Variants in CPQ observed in about 807,000 individuals in gnomAD.
The protein encoded by CPQ is carboxypeptidase Q.
In CPQ, 37 loss-of-function variants were observed where a neutral mutation model predicts 45.7. That is an observed-to-expected ratio of 0.81 (90% CI 0.62 to 1.07). The LOEUF (loss-of-function observed/expected upper bound fraction) is 1.07. CPQ is among the 50% of genes least tolerant of loss of function. The pLI, the probability that CPQ is intolerant of heterozygous loss-of-function variation, is 0.00. For missense variants in CPQ, 537 were observed against 572.9 expected, an observed-to-expected ratio of 0.94 and a Z score of 0.64; for synonymous variants, 186 against 205.8, an observed-to-expected ratio of 0.90 and a Z score of 0.82.
chr8:97,137,160 C>G (rs1048278894), intron 7 of CPQ, among the ~76,000 whole-genome samples: 1 of 152,166 alleles, frequency 6.6e-6, no homozygotes, highest in African/African-American at 2.4e-5. Context: ...ATGCCTTCTT[C>G]AAGTCACTAG....
chr8:97,094,165 A>G (rs987468866), intron 7 of CPQ, among the ~76,000 whole-genome samples: 1 of 152,154 alleles, frequency 6.6e-6, no homozygotes, highest in African/African-American at 2.4e-5. Context: ...TTGATTCTCC[A>G]ACGACTAAGA....
At chr8:96,939,850 G>A (rs1209616821) in intron 4 of CPQ, among the ~76,000 whole-genome samples, 1 of 152,140 alleles carries the variant, frequency 6.6e-6, no homozygotes, top group East Asian at 1.9e-4. Context: ...GAATTTCTGG[G>A]TCACGAGGTT....
intron 1 of CPQ, among the ~76,000 whole-genome samples, chr8:96,688,582 C>T (rs991364152): frequency 2.0e-5 from 3 of 151,974 alleles, no homozygotes; most frequent in African/African-American, 7.3e-5. Flanking sequence ...ATAATTATAT[C>T]TTTATGTGAC....
At chr8:97,077,438 A>G (rs1232724941) in intron 7 of CPQ, among the ~76,000 whole-genome samples, 2 of 152,238 alleles carry the variant, frequency 1.3e-5, no homozygotes, top group African/African-American at 4.8e-5. Context: ...CTATGAAATT[A>G]CTACAGTAGT....
intron 5 of CPQ, among the ~76,000 whole-genome samples, chr8:97,027,011 G>GT (rs1809809522): frequency 6.6e-6 from 1 of 152,044 alleles, no homozygotes; most frequent in Non-Finnish European, 1.5e-5. Context: ...GCGGAGATAT[G>GT]TAAAAAAAAG....
chr8:97,090,640 C>T (rs952252574), intron 7 of CPQ, among the ~76,000 whole-genome samples: 2 of 151,986 alleles, frequency 1.3e-5, no homozygotes, highest in African/African-American at 4.8e-5. Flanking sequence ...TTTGACTCAC[C>T]GAAAATAATA....
At chr8:97,038,154 G>A (rs1810034901) in intron 6 of CPQ, among the ~76,000 whole-genome samples, 1 of 152,186 alleles carries the variant, frequency 6.6e-6, no homozygotes, top group African/African-American at 2.4e-5. Context: ...TTAAAGAAAA[G>A]AGAAATATCC....
chr8:96,819,130 T>C, intron 2 of CPQ, among the ~76,000 whole-genome samples: 1 of 152,082 alleles, frequency 6.6e-6, no homozygotes, highest in East Asian at 1.9e-4. Context: ...TCCTCCTGCC[T>C]AGAAAAATTA....
At chr8:97,142,904 T>C (rs1812191443) in intron 7 of CPQ, 116 bp from the exon 8 acceptor site, 1 of 874,192 alleles carries the variant, frequency 1.1e-6, no homozygotes, top group African/African-American at 1.7e-5. Context: ...GAAAAGTAAT[T>C]ATTTTGCTAT....
rs537324358 is a variant in CPQ at position 96,865,448 on chromosome 8, A to G, written c.642-14350A>G. The stretch of plus-strand genomic sequence containing the variant: ...CTGAGCAGCACATAGACGTGTACCC[A>G]GGTATCTCATGCCTTATGCCCAGCG... On this transcript the variant is annotated intron_variant, in intron 3 of 7. Transcript: ENST00000220763. Among the ~76,000 whole-genome samples the G allele has an allele frequency of 2.5e-4, 38 of 152,114 alleles. No individual in the cohort carries two copies. The South Asian group carries it at 7.5e-3, about 30-fold the overall frequency.
intron 3 of CPQ, among the ~76,000 whole-genome samples, chr8:96,840,607 T>A (rs147161902): frequency 6.6e-6 from 1 of 152,270 alleles, no homozygotes; most frequent in Non-Finnish European, 1.5e-5. Context: ...TTTAGAAAGA[T>A]CAATTTGGCC....
At chr8:96,828,048 G>A (rs952872391) in intron 2 of CPQ, among the ~76,000 whole-genome samples, 2 of 151,986 alleles carry the variant, frequency 1.3e-5, no homozygotes, top group African/African-American at 4.8e-5. Context: ...TACACAGTTT[G>A]GGCACTATGC....
rs201861702 is a variant in CPQ at position 96,784,935 on chromosome 8, A to G, written c.38A>G (p.His13Arg). ...ATCTTCGCATTTTTCGGTGGTGTTC[A>G]CCTTTTATCCCTGTGCTCTGGGAAA... ...FLIFAFFGGVHLLSLCSGKAI... is the reference protein window; with the variant it reads ...FLIFAFFGGVRLLSLCSGKAI... The change falls in exon 2 of 8, where the codon CAC (histidine) becomes CGC (arginine). Residue 13 changes from histidine (H) to arginine (R), a missense_variant. Transcript: ENST00000220763. 1.2e-6 allele frequency: 2 copies of G among 1,611,282 alleles called. No individual in the cohort carries two copies. Among genetic ancestry groups the G allele is most frequent in the Admixed American group, 3.4e-5 (2 of 59,364 alleles).
intron 6 of CPQ, among the ~76,000 whole-genome samples, chr8:97,064,272 G>A (rs58026817): frequency 6.6e-6 from 1 of 152,158 alleles, no homozygotes; most frequent in Admixed American, 6.6e-5. Context: ...AGAGGGAAAG[G>A]GTTTAGGGTT....
chr8:96,747,072 C>T (rs947713312), intron 1 of CPQ, among the ~76,000 whole-genome samples: 3 of 152,020 alleles, frequency 2.0e-5, no homozygotes, highest in African/African-American at 7.2e-5. Flanking sequence ...GGGTGGATCA[C>T]CTGAGGTTGG....
intron 4 of CPQ, among the ~76,000 whole-genome samples, chr8:96,897,745 G>T (rs1487377379): frequency 6.6e-6 from 1 of 152,020 alleles, no homozygotes; most frequent in Non-Finnish European, 1.5e-5. Context: ...AACATTTCTG[G>T]TCCCAAGCAT....
At chr8:97,015,501 G>C (rs960824354) in intron 5 of CPQ, among the ~76,000 whole-genome samples, 2 of 151,804 alleles carry the variant, frequency 1.3e-5, no homozygotes, top group African/African-American at 4.8e-5. Flanking sequence ...AGGTAAAATA[G>C]ACTATAGATT....
At chr8:96,979,338 A>G (rs1813847412) in intron 5 of CPQ, among the ~76,000 whole-genome samples, 1 of 152,228 alleles carries the variant, frequency 6.6e-6, no homozygotes, top group South Asian at 2.1e-4. Flanking sequence ...GAATAGAGAT[A>G]CAGAAAAACA....
intron 1 of CPQ, among the ~76,000 whole-genome samples, chr8:96,719,243 C>G (rs187664233): frequency 2.1e-3 from 316 of 152,348 alleles, no homozygotes; most frequent in African/African-American, 7.2e-3. Context: ...AGGAAGGCAG[C>G]TAAGGCTTGG....
Sources: gnomAD v4.1 joint callset for allele counts (sites outside exome capture counted in the v4.1 genomes callset) on GRCh38, gnomAD v4.1.1 for gene constraint, MANE v1.5 for transcripts, NCBI Gene and HGNC (gene_info 2026-07-23, HGNC 2026-07-21) for gene names.